The following PAK5 variants were observed in gnomAD, a reference collection of about 807,000 sequenced individuals.
PAK5 encodes p21 (RAC1) activated kinase 5.
In PAK5, 16 loss-of-function variants were observed where a neutral mutation model predicts 65.9. The ratio of observed to expected loss-of-function variants is 0.24; its 90% CI spans 0.16 to 0.37. The LOEUF is 0.37. Among genes scored for constraint, PAK5 ranks in the 10% least tolerant of loss-of-function variants. The pLI, the probability that PAK5 is intolerant of heterozygous loss-of-function variation, is 1.00. For synonymous variants in PAK5, 371 were observed against 354.9 expected (o/e 1.05, Z -0.51); for missense variants, 785 against 903.9 (o/e 0.87, Z 1.69).
At chr20:9,812,809 T>C (rs908541037) in intron 1 of PAK5, among the ~76,000 whole-genome samples, 1 of 152,002 alleles carries the variant, frequency 6.6e-6, no homozygotes, top group Non-Finnish European at 1.5e-5. Flanking sequence ...ACTAGAAGAG[T>C]GAAATTGGAA....
intron 1 of PAK5, among the ~76,000 whole-genome samples, chr20:9,740,246 G>T (rs1450432154): frequency 6.6e-6 from 1 of 152,110 alleles, no homozygotes; most frequent in Admixed American, 6.6e-5. Flanking sequence ...GATTAGAAGG[G>T]AGCCTGGCAG....
chr20:9,814,262 A>G (rs553058281), intron 1 of PAK5, among the ~76,000 whole-genome samples: 19 of 152,296 alleles, frequency 1.2e-4, no homozygotes, highest in African/African-American at 4.6e-4. Context: ...AAGATTCTAC[A>G]TAGGAATTGT....
intron 1 of PAK5, among the ~76,000 whole-genome samples, chr20:9,722,233 A>T (rs1300054901): frequency 6.6e-6 from 1 of 152,192 alleles, no homozygotes; most frequent in East Asian, 1.9e-4. Context: ...CCAGGGAGTT[A>T]GCATGTACAA....
chr20:9,815,604 T>G (rs567039356), intron 1 of PAK5, among the ~76,000 whole-genome samples: 2 of 152,284 alleles, frequency 1.3e-5, no homozygotes, highest in Admixed American at 1.3e-4. Flanking sequence ...CCGTCGGTTA[T>G]AATTCTCTGT....
chr20:9,703,516 C>T (rs1264206214), intron 2 of PAK5, among the ~76,000 whole-genome samples: 2 of 152,010 alleles, frequency 1.3e-5, no homozygotes, highest in African/African-American at 4.8e-5. Flanking sequence ...TAAAAGGTTG[C>T]CAGGTGGAAG....
intron 6 of PAK5, among the ~76,000 whole-genome samples, chr20:9,558,945 C>CTTT (rs1355042258): frequency 6.6e-6 from 1 of 152,172 alleles, no homozygotes; most frequent in Non-Finnish European, 1.5e-5. Context: ...AAGAAATGGC[C>CTTT]AGGTCATGAT....
intron 2 of PAK5, among the ~76,000 whole-genome samples, chr20:9,648,238 C>T (rs961309267): frequency 1.3e-5 from 2 of 152,120 alleles, no homozygotes; most frequent in Non-Finnish European, 2.9e-5. Flanking sequence ...TGCATGGGGC[C>T]AAGTCCAGAG....
chr20:9,648,093 G>T (rs1320734478), intron 2 of PAK5, among the ~76,000 whole-genome samples: 3 of 152,206 alleles, frequency 2.0e-5, no homozygotes, highest in African/African-American at 7.2e-5. Flanking sequence ...GTAGCCCTCT[G>T]TCAGGGGTCC....
In PAK5 at chr20:9,538,530, T is replaced by C. The variant is rs928788267; in HGVS notation, c.*932A>G. 1.3e-5 allele frequency: 3 copies of C among 233,214 alleles called. No individual in the cohort carries two copies. The highest frequency in any genetic ancestry group is 2.5e-5 in the Non-Finnish European group (3 of 117,914). The allele number at this position is 233,214 out of a possible 1,614,324, so 14.4% of individuals were successfully genotyped here. On this transcript the variant is annotated 3_prime_UTR_variant, in exon 10 of 10. Coordinates refer to ENST00000353224, the MANE Select transcript of PAK5 (RefSeq NM_177990.4). ...TTTTGGGAACTGAATCCAATGATCC[T>C]AGCACTGAAATTGCTCCCTGGGAGG...
chr20:9,621,276 G>C (rs918333134), intron 3 of PAK5, among the ~76,000 whole-genome samples: 3 of 152,016 alleles, frequency 2.0e-5, no homozygotes, highest in Non-Finnish European at 4.4e-5. Context: ...CAAAATAAGG[G>C]AGTGTCAGAA....
intron 1 of PAK5, among the ~76,000 whole-genome samples, chr20:9,785,955 A>T (rs1004925044): frequency 6.6e-6 from 1 of 152,046 alleles, no homozygotes; most frequent in South Asian, 2.1e-4. Context: ...TATCAGTCAG[A>T]CACCCAACCA....
chr20:9,794,845 A>T (rs1159043168), intron 1 of PAK5, among the ~76,000 whole-genome samples: 1 of 152,050 alleles, frequency 6.6e-6, no homozygotes, highest in African/African-American at 2.4e-5. Context: ...TCGACGAAAG[A>T]AAAACCATAT....
At chr20:9,549,188 T>C (rs1297297257) in intron 7 of PAK5, among the ~76,000 whole-genome samples, 4 of 152,138 alleles carry the variant, frequency 2.6e-5, no homozygotes, top group Non-Finnish European at 5.9e-5. Context: ...AGGAGTGATG[T>C]TGACTATGTC....
intron 2 of PAK5, among the ~76,000 whole-genome samples, chr20:9,698,970 A>G (rs987901488): frequency 3.3e-5 from 5 of 151,914 alleles, no homozygotes; most frequent in Non-Finnish European, 7.3e-5. Flanking sequence ...AAGCAAGTGA[A>G]GCACTTTATA....
In PAK5 at chr20:9,811,543, C is replaced by G. The variant is rs141457333; in HGVS notation, c.-162+27219G>C. ...TGACCAGAGGCCAACTACTTTCACT[C>G]TCTTAAAGGTTGCATGACTGCCTGA... is the stretch of plus-strand genomic sequence containing the variant. On this transcript the variant is annotated intron_variant, in intron 1 of 9. Transcript: ENST00000353224. Among the ~76,000 whole-genome samples the G allele has an allele frequency of 4.2e-3, 641 of 152,270 alleles. 6 individuals are homozygous for G. Among genetic ancestry groups the G allele is most frequent in the African/African-American group, 0.014 (602 of 41,544 alleles).
At chr20:9,587,586 T>C (rs879279443) in intron 3 of PAK5, among the ~76,000 whole-genome samples, 3 of 152,078 alleles carry the variant, frequency 2.0e-5, no homozygotes, top group Non-Finnish European at 4.4e-5. Context: ...CTAGGGGTGA[T>C]TTATATTTCA....
At chr20:9,713,391 G>A (rs944998400) in intron 1 of PAK5, among the ~76,000 whole-genome samples, 12 of 151,978 alleles carry the variant, frequency 7.9e-5, no homozygotes, top group Non-Finnish European at 1.2e-4. Context: ...GCAGAGAGAG[G>A]GAAATACTTG....
At chr20:9,751,679 C>G (rs571691702) in intron 1 of PAK5, among the ~76,000 whole-genome samples, 1 of 152,264 alleles carries the variant, frequency 6.6e-6, no homozygotes, top group Admixed American at 6.5e-5. Context: ...ACTATATACA[C>G]AGCATCAAAG....
intron 3 of PAK5, among the ~76,000 whole-genome samples, chr20:9,615,631 A>G (rs2046641495): frequency 6.6e-6 from 1 of 152,200 alleles, no homozygotes; most frequent in Admixed American, 6.5e-5. Flanking sequence ...CCACCAACCA[A>G]AGTGTGTTCC....
Sources: allele counts gnomAD v4.1 joint callset (sites outside exome capture counted in the v4.1 genomes callset), GRCh38; gene constraint gnomAD v4.1.1; transcripts MANE v1.5; gene names NCBI Gene and HGNC (gene_info 2026-07-23, HGNC 2026-07-21).